GGT1: variants seen among roughly 807,000 people sequenced by gnomAD.
GGT1 encodes the protein gamma-glutamyltransferase 1.
Under a neutral mutation model 56.0 loss-of-function variants are expected in GGT1, and 21 were observed. That is an observed-to-expected ratio of 0.38 (90% CI 0.27 to 0.54). GGT1 has a LOEUF of 0.54. Ranked by LOEUF, GGT1 falls within the 20% of genes least tolerant of loss-of-function variation. The pLI is 0.82. For missense variants in GGT1, 466 were observed against 787.0 expected (o/e 0.59, Z 4.88); for synonymous variants, 238 against 342.6 (o/e 0.69, Z 3.37).
upstream of GGT1, among the ~76,000 whole-genome samples, chr22:24,601,425 C>G (rs538383289): frequency 1.6e-4 from 24 of 152,346 alleles, no homozygotes; most frequent in African/African-American, 5.8e-4. Context: ...AAGTGGTTTG[C>G]ACAGCCTTCC....
rs1251659349 is a variant in GGT1 at position 24,627,932 on chromosome 22, CCAA to C, written c.1291_1293del (p.Asn431del). On this transcript the variant is annotated inframe_deletion, in exon 13 of 16. Transcript: ENST00000400382. ...GACGACTTCAGCTCTCCCAGCATCA[CCAA>C]CGAGTTTGGGGTACCCCCCTCACCT... The C allele has an allele frequency of 6.2e-7, 1 of 1,613,840 alleles. No homozygotes were observed. The highest frequency in any genetic ancestry group is 2.2e-5 in the East Asian group (1 of 44,856).
At chr22:24,622,761 A>G (rs2047511326) in intron 9 of GGT1, among the ~76,000 whole-genome samples, 1 of 151,894 alleles carries the variant, frequency 6.6e-6, no homozygotes, top group South Asian at 2.1e-4. Context: ...AAAAGAAAAG[A>G]AAACACTCTG....
chr22:24,586,209 G>GGGGCAGCGCCCACAGGCT, the GGT1 span: 1 of 1,613,700 alleles, frequency 6.2e-7, no homozygotes, highest in East Asian at 2.2e-5. Context: ...TGGGTGAGGC[G>GGGGCAGCGCCCACAGGCT]GGGCAGCGCC....
Position 24,620,498 on chromosome 22 carries a change from A to C in GGT1, c.553A>C (p.Ile185Leu), listed in dbSNP as rs752780799. 5 of 1,611,912 alleles carry C rather than the reference A, an allele frequency of 3.1e-6. No homozygotes were observed. The highest frequency in any genetic ancestry group is 4.2e-6 in the Non-Finnish European group (5 of 1,179,812). ...AAALENKRTV[I>L]EQQPVLCEVF... ...AGCCCTGGAAAACAAGCGGACCGTCATCGAGCAGCAGCCTGTCTTGTGGTA... is the reference window on the plus strand; with the variant it reads ...AGCCCTGGAAAACAAGCGGACCGTCCTCGAGCAGCAGCCTGTCTTGTGGTA... The change falls in exon 8 of 16, where the codon ATC becomes CTC. Residue 185 changes from isoleucine (I) to leucine (L), a missense_variant. Ile to Leu is a conservative substitution (Grantham distance 5). Coordinates refer to ENST00000400382, the MANE Select transcript of GGT1 (RefSeq NM_001288833.2). The surrounding 1 kb of genome is among the most constrained non-coding windows in gnomAD (Gnocchi z 5.6).
At chr22:24,594,389 GTA>G (rs372805506), upstream of GGT1, among the ~76,000 whole-genome samples, 4,560 of 133,870 alleles carry the variant, frequency 0.034, 228 homozygotes, top group African/African-American at 0.11. Flanking sequence ...GCACCCGTGT[GTA>G]TGTGTGTGTG....
At chr22:24,622,774 GC>G (rs925428629) in intron 9 of GGT1, among the ~76,000 whole-genome samples, 2 of 152,050 alleles carry the variant, frequency 1.3e-5, no homozygotes, top group African/African-American at 4.8e-5. Flanking sequence ...ACACTCTGTG[GC>G]CACAGATGAG....
the GGT1 span, chr22:24,586,046 A>G: frequency 2.5e-6 from 4 of 1,611,518 alleles, no homozygotes; most frequent in Non-Finnish European, 2.5e-6. Flanking sequence ...CCGCCGGCGC[A>G]GGCCGACCAG....
intron 9 of GGT1, among the ~76,000 whole-genome samples, chr22:24,622,750 AAAAAG>A (rs2047509615): frequency 6.6e-6 from 1 of 152,090 alleles, no homozygotes; most frequent in South Asian, 2.1e-4. Flanking sequence ...TCTAAAAAAA[AAAAAG>A]AAAAGAAAAC....
chr22:24,625,420 C>G (rs928778733), intron 11 of GGT1, among the ~76,000 whole-genome samples: 1 of 152,140 alleles, frequency 6.6e-6, no homozygotes, highest in African/African-American at 2.4e-5. Flanking sequence ...ACCAGAGGCA[C>G]GTGCCACCAA....
chr22:24,588,759 A>C, the GGT1 span: 42 of 1,032,752 alleles, frequency 4.1e-5, no homozygotes, highest in Non-Finnish European at 4.9e-5. Flanking sequence ...GGAACAAGCC[A>C]GGTCAGCGTG....
chr22:24,589,263 CA>C, the GGT1 span: 4 of 1,267,116 alleles, frequency 3.2e-6, no homozygotes, highest in Non-Finnish European at 4.1e-6. Context: ...GGGTTCTGGG[CA>C]GCTGTGGGGT....
At chr22:24,611,762 G>A (rs1378694830) in intron 5 of GGT1, among the ~76,000 whole-genome samples, 2 of 147,934 alleles carry the variant, frequency 1.4e-5, no homozygotes, top group African/African-American at 5.0e-5. Flanking sequence ...GCGCCACCAC[G>A]CCCAACAAAT....
upstream of GGT1, among the ~76,000 whole-genome samples, chr22:24,599,829 G>A (rs2045754986): frequency 6.6e-6 from 1 of 152,076 alleles, no homozygotes; most frequent in Admixed American, 6.5e-5. Flanking sequence ...GTCCCCAAAA[G>A]TCCAGGTGAG....
intron 2 of GGT1, 107 bp from the exon 3 acceptor site, chr22:24,609,858 C>T: frequency 2.5e-6 from 1 of 393,982 alleles, no homozygotes; most frequent in Non-Finnish European, 5.4e-6. Flanking sequence ...CTGTGCCACT[C>T]AGGCCTCCTG....
intron 11 of GGT1, 151 bp from the exon 12 acceptor site, chr22:24,627,281 C>T: frequency 2.3e-6 from 3 of 1,332,404 alleles, no homozygotes; most frequent in Non-Finnish European, 3.1e-6. Context: ...CATGCAAGGT[C>T]CTGGGCCTGC....
At chr22:24,616,708 C>A (rs1416176067) in intron 7 of GGT1, among the ~76,000 whole-genome samples, 2 of 151,790 alleles carry the variant, frequency 1.3e-5, no homozygotes, top group African/African-American at 4.8e-5. Context: ...CCACGCCCAG[C>A]TAATTTTTTG....
intron 7 of GGT1, among the ~76,000 whole-genome samples, chr22:24,618,401 G>A (rs1189683646): frequency 6.6e-6 from 1 of 152,120 alleles, no homozygotes; most frequent in African/African-American, 2.4e-5. Flanking sequence ...AACCAGCCTG[G>A]CCAACATGGC....
chr22:24,611,049 C>T (rs776082219), intron 4 of GGT1, 26 bp from the exon 5 acceptor site: 3 of 1,586,532 alleles, frequency 1.9e-6, no homozygotes, highest in Non-Finnish European at 2.6e-6. Context: ...CTAGGCCTGA[C>T]CCTGCTTCTT....
At chr22:24,617,005 C>T (rs2047114694) in intron 7 of GGT1, among the ~76,000 whole-genome samples, 1 of 152,184 alleles carries the variant, frequency 6.6e-6, no homozygotes, top group African/African-American at 2.4e-5. Context: ...AAAGAATCAG[C>T]TGTTGTTCCT....
Sources: gnomAD v4.1 joint callset for allele counts (sites outside exome capture counted in the v4.1 genomes callset) on GRCh38, gnomAD v4.1.1 for gene constraint, Gnocchi (gnomAD v3.1) non-coding constraint, MANE v1.5 for transcripts, NCBI Gene and HGNC (gene_info 2026-07-23, HGNC 2026-07-21) for gene names.